The following ZBTB20 variants were observed in gnomAD, a reference collection of about 807,000 sequenced individuals.
The protein encoded by ZBTB20 is zinc finger and BTB domain-containing protein 20.
A neutral mutation model predicts 56.9 loss-of-function variants in ZBTB20; 9 were observed. The observed-to-expected ratio is 0.16, with a 90% CI of 0.10 to 0.28. ZBTB20 has a LOEUF of 0.28. ZBTB20 is among the 10% of genes least tolerant of loss of function. The probability of loss-of-function intolerance (pLI) is 1.00; values close to 1 mark genes in which losing one functional copy is unlikely to be tolerated. For missense variants in ZBTB20, 655 were observed against 1,003.0 expected, an observed-to-expected ratio of 0.65 and a Z score of 4.69; for synonymous variants, 417 against 420.7, an observed-to-expected ratio of 0.99 and a Z score of 0.11.
intron 10 of ZBTB20, among the ~76,000 whole-genome samples, chr3:114,362,440 A>C (rs1435655127): frequency 6.6e-6 from 1 of 152,196 alleles, no homozygotes; most frequent in South Asian, 2.1e-4. Context: ...CTTCACAAAC[A>C]AGTGGGAACC....
chr3:115,023,358 TC>T lies in ZBTB20; in HGVS notation c.-507+47860del, dbSNP rs2080283284. On this transcript the variant is annotated intron_variant, in intron 2 of 11. Transcript: ENST00000675478. ...TATGCCTAGATTCAATTCTGTTGAA[TC>T]CCATAAACTCTCTTTTTTTGTTTTG... Among the ~76,000 whole-genome samples, 6 of 150,954 alleles carry T rather than the reference TC, an allele frequency of 4.0e-5. No individual in the cohort carries two copies. The Admixed American group carries it at 4.0e-4, about 10-fold the overall frequency.
rs1241387542 is a variant in ZBTB20, at chr3:114,334,446, A to G, written c.*4559T>C. ...AGTTTTGGGCGCAGGCAGAGCACAG[A>G]CAGGACAGCTGGTGTTCCTGTGTGA... On this transcript the variant is annotated 3_prime_UTR_variant, in exon 12 of 12. Transcript: ENST00000675478. 6.6e-6 allele frequency: 1 copy of G among 152,230 alleles called. No homozygotes were observed. The highest frequency in any genetic ancestry group is 6.5e-5 in the Admixed American group (1 of 15,282). The allele number at this position is 152,230 out of a possible 1,614,324, so 9.4% of individuals were successfully genotyped here.
intron 11 of ZBTB20, among the ~76,000 whole-genome samples, chr3:114,345,789 A>G (rs560097876): frequency 6.6e-6 from 1 of 152,216 alleles, no homozygotes; most frequent in Admixed American, 6.5e-5. Flanking sequence ...AATTTGCCCT[A>G]TTGCTTGCCT....
rs376317011 is a variant in ZBTB20, at chr3:115,021,395, T to C, written c.-506-46979A>G. ...GACTGGGGTAGTATGTATATTTCCA[T>C]AGATACATATATATAGTATCTGTGT... On this transcript the variant is annotated intron_variant, in intron 2 of 11. Coordinates refer to ENST00000675478, the MANE Select transcript of ZBTB20 (RefSeq NM_001348800.3). Among the ~76,000 whole-genome samples the C allele has an allele frequency of 1.2e-4, 18 of 151,018 alleles. No individual in the cohort carries two copies. The East Asian group carries it at 2.1e-3, about 18-fold the overall frequency.
rs747855117 is a variant in ZBTB20, at chr3:114,625,200, T to C, written c.-295+68328A>G. ...CTCATCAGCTCTGGGGTGAAGATTG[T>C]AGGACTGTAAAAAAAGAAGCATCAA... On this transcript the variant is annotated intron_variant, in intron 6 of 11. Coordinates refer to ENST00000675478, the MANE Select transcript of ZBTB20 (RefSeq NM_001348800.3). Among the ~76,000 whole-genome samples, 5 of 151,286 alleles carry C rather than the reference T, an allele frequency of 3.3e-5. No homozygotes were observed. In the South Asian group the frequency reaches 8.4e-4, roughly 25 times the overall value.
In ZBTB20 at chr3:114,883,920, T is replaced by C. The variant is rs1348130801; in HGVS notation, c.-417+16384A>G. ...AACTGGTAAGAATGGTGTGTTCTTT[T>C]TTTTTTTTTTTTTTTTTTTTTTTGA... On this transcript the variant is annotated intron_variant, in intron 4 of 11. Coordinates refer to ENST00000675478, the MANE Select transcript of ZBTB20 (RefSeq NM_001348800.3). Among the ~76,000 whole-genome samples, 87 of 57,930 alleles carry C rather than the reference T, an allele frequency of 1.5e-3. 22 individuals carry two copies. Among genetic ancestry groups the C allele is most frequent in the Non-Finnish European group, 2.5e-3 (69 of 27,088 alleles). The allele number at this position is 57,930 out of a possible 152,430, so 38.0% of individuals were successfully genotyped here.
chr3:115,060,952 A>G (rs2081990676), intron 2 of ZBTB20, among the ~76,000 whole-genome samples: 1 of 152,070 alleles, frequency 6.6e-6, no homozygotes, highest in Non-Finnish European at 1.5e-5. Context: ...TAGAGAATTC[A>G]CCTTTATTTC....
chr3:114,701,479 C>T (rs966991882), intron 5 of ZBTB20, among the ~76,000 whole-genome samples: 14 of 152,036 alleles, frequency 9.2e-5, no homozygotes, highest in African/African-American at 3.4e-4. Flanking sequence ...AATTAACAGG[C>T]CAGAGGAAAC....
In ZBTB20 at chr3:114,398,379, A is replaced by C. The variant is rs1201769708; in HGVS notation, c.-254-9274T>G. On this transcript the variant is annotated intron_variant, in intron 7 of 11. Coordinates refer to ENST00000675478, the MANE Select transcript of ZBTB20 (RefSeq NM_001348800.3). ...AAACAGAAATGGATGGCATTAAGAC[A>C]TGATGGTTTAAAACCCAATTTCTGT... Among the ~76,000 whole-genome samples the C allele has an allele frequency of 3.9e-5, 6 of 152,154 alleles. No homozygotes were observed. The East Asian group carries it at 1.2e-3, about 29-fold the overall frequency.
At chr3:114,508,790 C>G (rs1167170313) in intron 6 of ZBTB20, among the ~76,000 whole-genome samples, 1 of 152,116 alleles carries the variant, frequency 6.6e-6, no homozygotes, top group Admixed American at 6.6e-5. Context: ...AAAGAGTCAG[C>G]TATGCCAATT....
intron 2 of ZBTB20, among the ~76,000 whole-genome samples, chr3:115,029,844 C>T (rs1576603376): frequency 6.6e-6 from 1 of 150,652 alleles, no homozygotes; most frequent in East Asian, 1.9e-4. Flanking sequence ...GAAGGTCTTC[C>T]TAAGCATAAA....
intron 4 of ZBTB20, among the ~76,000 whole-genome samples, chr3:114,863,621 A>G (rs2075635133): frequency 6.6e-6 from 1 of 152,068 alleles, no homozygotes; most frequent in East Asian, 1.9e-4. Context: ...TCTGTCCACT[A>G]AACAAATTCT....
intron 5 of ZBTB20, among the ~76,000 whole-genome samples, chr3:114,711,987 C>A (rs2064118698): frequency 6.6e-6 from 1 of 152,124 alleles, no homozygotes; most frequent in Non-Finnish European, 1.5e-5. Flanking sequence ...TCTTGTATCC[C>A]AAGTTCTTAG....
At chr3:114,405,932 A>G (rs2087275977) in intron 7 of ZBTB20, among the ~76,000 whole-genome samples, 1 of 150,938 alleles carries the variant, frequency 6.6e-6, no homozygotes, top group Admixed American at 6.6e-5. Context: ...TACTTACTAG[A>G]GGCATTTTTT....
intron 5 of ZBTB20, among the ~76,000 whole-genome samples, chr3:114,716,577 T>C (rs1413981855): frequency 6.6e-6 from 1 of 152,144 alleles, no homozygotes; most frequent in Non-Finnish European, 1.5e-5. Context: ...TTGCCATATT[T>C]GCCTCCTACC....
In ZBTB20 at chr3:114,753,219, T is replaced by A. The variant is rs188954458; in HGVS notation, c.-343+47882A>T. ...ATTTCTAAAAAATGAAGCATATTTT[T>A]TATATATATAATGTATATATGTATA... On this transcript the variant is annotated intron_variant, in intron 5 of 11. Transcript: ENST00000675478. Among the ~76,000 whole-genome samples, 1,272 of 149,166 alleles carry A rather than the reference T, an allele frequency of 8.5e-3. 10 individuals are homozygous for A. Among genetic ancestry groups the A allele is most frequent in the Non-Finnish European group, 0.014 (927 of 67,454 alleles).
At chr3:115,001,877 T>C (rs890848352) in intron 2 of ZBTB20, among the ~76,000 whole-genome samples, 1 of 151,458 alleles carries the variant, frequency 6.6e-6, no homozygotes, top group Non-Finnish European at 1.5e-5. Flanking sequence ...AAAGTTATTT[T>C]GTGGATATTC....
Position 114,646,758 on chromosome 3 carries a change from G to A in ZBTB20, c.-295+46770C>T, listed in dbSNP as rs554833096. Among the ~76,000 whole-genome samples the A allele has an allele frequency of 3.3e-5, 5 of 152,246 alleles. No homozygotes were observed. The South Asian group carries it at 6.2e-4, about 19-fold the overall frequency. On this transcript the variant is annotated intron_variant, in intron 6 of 11. Transcript: ENST00000675478. ...TCCCAGGCAATTTGTATGGAAAGGC[G>A]GTTGCTAAGGGTATTCCTAAGGGAA...
chr3:114,451,762 C>A (rs994984951), intron 7 of ZBTB20, among the ~76,000 whole-genome samples: 5 of 152,126 alleles, frequency 3.3e-5, no homozygotes, highest in Non-Finnish European at 7.4e-5. Flanking sequence ...AGAACTGGAG[C>A]GGATTGCCTA....
Sources: gnomAD v4.1 joint callset for allele counts (sites outside exome capture counted in the v4.1 genomes callset) on GRCh38, gnomAD v4.1.1 for gene constraint, MANE v1.5 for transcripts, NCBI Gene and HGNC (gene_info 2026-07-23, HGNC 2026-07-21) for gene names.